Variants in MMS22L observed in about 807,000 individuals in gnomAD.
The protein encoded by MMS22L is MMS22 like, DNA repair protein, also known as protein MMS22-like.
In MMS22L, 74 loss-of-function variants were observed where a neutral mutation model predicts 159.1. That is an observed-to-expected ratio of 0.47 (90% CI 0.39 to 0.56). The LOEUF (loss-of-function observed/expected upper bound fraction) is 0.56. MMS22L is among the 20% of genes least tolerant of loss of function. The pLI, the probability that MMS22L is intolerant of heterozygous loss-of-function variation, is 0.00. For missense variants in MMS22L, 1,351 were observed against 1,422.1 expected (o/e 0.95, Z 0.80); for synonymous variants, 517 against 506.9 (o/e 1.02, Z -0.27).
At chr6:97,188,884 C>T (rs1289080758) in intron 14 of MMS22L, among the ~76,000 whole-genome samples, 1 of 152,066 alleles carries the variant, frequency 6.6e-6, no homozygotes, top group Non-Finnish European at 1.5e-5. Flanking sequence ...ATTGCTTGAA[C>T]CCAGGAGGTG....
chr6:97,277,693 CCTG>C (rs558630339), intron 4 of MMS22L, among the ~76,000 whole-genome samples: 2 of 152,034 alleles, frequency 1.3e-5, no homozygotes, highest in Non-Finnish European at 2.9e-5. Flanking sequence ...TCAAATTGCC[CCTG>C]CTAATTAACA....
intron 14 of MMS22L, among the ~76,000 whole-genome samples, chr6:97,192,565 C>T (rs9481378): frequency 0.45 from 68,098 of 152,040 alleles, 15,425 homozygotes; most frequent in South Asian, 0.53. Flanking sequence ...ACAATATGCA[C>T]TACTGCTTCT....
intron 9 of MMS22L, chr6:97,260,861 T>C (rs77667981): frequency 0.044 from 6,657 of 152,198 alleles, 290 homozygotes; most frequent in East Asian, 0.23. Flanking sequence ...TCTTCTTTTT[T>C]TTTGGTGGTG....
intron 14 of MMS22L, among the ~76,000 whole-genome samples, chr6:97,206,991 C>A (rs1473964936): frequency 6.6e-6 from 1 of 152,014 alleles, no homozygotes; most frequent in Non-Finnish European, 1.5e-5. Context: ...AAGTTAAAGA[C>A]AAGTAAAGGC....
Position 97,219,941 on chromosome 6 carries a change from T to G in MMS22L, c.2039+8953A>C, listed in dbSNP as rs144630497. Among the ~76,000 whole-genome samples the G allele has an allele frequency of 3.8e-3, 584 of 152,346 alleles. 3 individuals carry two copies. Among genetic ancestry groups the G allele is most frequent in the South Asian group, 8.5e-3 (41 of 4,832 alleles). The stretch of plus-strand genomic sequence containing the variant: ...AAATACCTCTAGTTTTTTCTTTTTC[T>G]ATACTCTGCCATCTCACCCCTATGT... On this transcript the variant is annotated intron_variant, in intron 14 of 24. Coordinates refer to ENST00000683635, the MANE Select transcript of MMS22L (RefSeq NM_001350599.2).
chr6:97,182,072 GA>G lies in MMS22L; in HGVS notation c.2234-19del. The G allele has an allele frequency of 1.3e-6, 2 of 1,592,352 alleles. No homozygotes were observed. Among genetic ancestry groups the G allele is most frequent in the Non-Finnish European group, 8.5e-7 (1 of 1,170,992 alleles). ...AGTAAAGTCTAGATTCAAAATGAGA[GA>G]AACTTAAAGTCAGGAATCTTTAAAA... On this transcript the variant is annotated intron_variant, in intron 15 of 24. Transcript: ENST00000683635.
At chr6:97,221,385 C>T (rs112753372) in intron 14 of MMS22L, among the ~76,000 whole-genome samples, 367 of 151,918 alleles carry the variant, frequency 2.4e-3, no homozygotes, top group Non-Finnish European at 4.3e-3. Flanking sequence ...TATGTTTCAG[C>T]AAAACACAAA....
intron 11 of MMS22L, among the ~76,000 whole-genome samples, chr6:97,237,093 A>C (rs889449245): frequency 6.6e-6 from 1 of 152,332 alleles, no homozygotes; most frequent in African/African-American, 2.4e-5. Flanking sequence ...CAGAAAAATG[A>C]AAAGGTCAAT....
chr6:97,256,298 T>C (rs1463195655), intron 9 of MMS22L, among the ~76,000 whole-genome samples: 6 of 152,048 alleles, frequency 3.9e-5, no homozygotes, highest in Admixed American at 2.0e-4. Flanking sequence ...CTTAAAAGAG[T>C]AGCTCATTTA....
In MMS22L at chr6:97,146,755, A is replaced by G. The variant is rs771160219; in HGVS notation, c.*51T>C. 5.2e-6 allele frequency: 6 copies of G among 1,155,352 alleles called. No homozygotes were observed. The highest frequency in any genetic ancestry group is 7.5e-6 in the Non-Finnish European group (6 of 795,914). 71.6% of individuals were successfully genotyped at this position (1,155,352 alleles called of 1,614,324 possible). ...TAAAAGTAGGAATTAGAGTGGAACA[A>G]TGTGGCTTTAGATACTGATAATTAA... is the stretch of plus-strand genomic sequence containing the variant. On this transcript the variant is annotated 3_prime_UTR_variant, in exon 25 of 25. Coordinates refer to ENST00000683635, the MANE Select transcript of MMS22L (RefSeq NM_001350599.2).
intron 14 of MMS22L, among the ~76,000 whole-genome samples, chr6:97,209,394 T>C (rs1314766856): frequency 1.3e-5 from 2 of 151,984 alleles, no homozygotes; most frequent in Non-Finnish European, 2.9e-5. Flanking sequence ...CTAGAGAATA[T>C]CTTGTGCTTT....
At chr6:97,268,048 T>C (rs1022557042) in intron 7 of MMS22L, 46 bp from the exon 8 acceptor site, 3 of 1,330,444 alleles carry the variant, frequency 2.3e-6, no homozygotes, top group Non-Finnish European at 3.0e-6. Context: ...TTTTACTAAG[T>C]CAGAAAGGAA....
intron 18 of MMS22L, among the ~76,000 whole-genome samples, chr6:97,177,675 A>G (rs1804264961): frequency 6.6e-6 from 1 of 152,142 alleles, no homozygotes; most frequent in Admixed American, 6.6e-5. Flanking sequence ...CTATTATCAA[A>G]TATTTTTAGA....
chr6:97,181,752 C>T (rs1562427377), intron 16 of MMS22L, 152 bp downstream of exon 16: 12 of 670,384 alleles, frequency 1.8e-5, no homozygotes, highest in Non-Finnish European at 2.7e-5. Context: ...TTACTACTGT[C>T]GAAAGGCTGA....
At chr6:97,273,211 C>A (rs1454394278) in intron 4 of MMS22L, 149 bp from the exon 5 acceptor site, 3 of 651,910 alleles carry the variant, frequency 4.6e-6, no homozygotes, top group Admixed American at 3.2e-5. Flanking sequence ...CCCGCTACTC[C>A]TCAAAAAATG....
At chr6:97,254,447 T>C in intron 10 of MMS22L, 110 bp downstream of exon 10, 1 of 764,952 alleles carries the variant, frequency 1.3e-6, no homozygotes, top group Non-Finnish European at 2.1e-6. Context: ...AATTTATCTC[T>C]GTGATTGTAG....
At chr6:97,234,068 A>C (rs536284818) in intron 11 of MMS22L, 88 bp from the exon 12 acceptor site, 1 of 1,390,530 alleles carries the variant, frequency 7.2e-7, no homozygotes, top group African/African-American at 1.5e-5. Context: ...TATAACCTGC[A>C]GCTAAAAAGA....
At chr6:97,223,253 C>T (rs1305752354) in intron 14 of MMS22L, among the ~76,000 whole-genome samples, 1 of 152,078 alleles carries the variant, frequency 6.6e-6, no homozygotes, top group Non-Finnish European at 1.5e-5. Context: ...GTTCAACACA[C>T]ACACGCACAC....
At chr6:97,158,413 A>T (rs1802079980) in intron 22 of MMS22L, among the ~76,000 whole-genome samples, 1 of 152,024 alleles carries the variant, frequency 6.6e-6, no homozygotes, top group Admixed American at 6.6e-5. Flanking sequence ...TAGGGTGTCA[A>T]TTTTAGATCT....
Sources: allele counts gnomAD v4.1 joint callset (sites outside exome capture counted in the v4.1 genomes callset), GRCh38; gene constraint gnomAD v4.1.1; transcripts MANE v1.5; gene names NCBI Gene and HGNC (gene_info 2026-07-23, HGNC 2026-07-21).